The following S100A5 variants were observed in gnomAD, a reference collection of about 807,000 sequenced individuals.
S100A5 encodes the protein S100 calcium binding protein A5.
In S100A5, 5 loss-of-function variants were observed where a neutral mutation model predicts 6.7. The observed-to-expected ratio is 0.75, with a 90% CI of 0.39 to 1.57. S100A5 has a LOEUF of 1.57. S100A5 is among the 40% of genes most tolerant of loss of function. S100A5 has a pLI of 0.03. For synonymous variants in S100A5, 49 were observed against 44.9 expected, an observed-to-expected ratio of 1.09 and a Z score of -0.37; for missense variants, 129 against 110.8, an observed-to-expected ratio of 1.16 and a Z score of -0.74.
chr1:153,543,660 A>G, upstream of S100A5: 1 of 1,145,222 alleles, frequency 8.7e-7, no homozygotes, highest in Non-Finnish European at 1.3e-6. Context: ...CTCAGCATCA[A>G]GCACGTGTCT....
At chr1:153,543,302 G>A (rs1665447526), upstream of S100A5, 3 of 985,178 alleles carry the variant, frequency 3.0e-6, no homozygotes, top group Non-Finnish European at 2.4e-6. Flanking sequence ...TTCAATTCCA[G>A]CCTCGGTTCA....
chr1:153,539,907 G>A (rs1665329594), intron 2 of S100A5, 147 bp downstream of exon 2: 5 of 933,352 alleles, frequency 5.4e-6, no homozygotes, highest in Admixed American at 2.6e-5. Context: ...TTGCTGGCCC[G>A]AAATCCCCAC....
At chr1:153,543,374 C>G, upstream of S100A5, 1 of 808,870 alleles carries the variant, frequency 1.2e-6, no homozygotes, top group Non-Finnish European at 1.5e-6. Context: ...GCTGAGATCC[C>G]ACAGCTGGGA....
At position 153,540,174 on chromosome 1, in the gene S100A5, C is replaced by A; in HGVS notation, c.18G>T (p.Glu6Asp). METPL[E>D]KALTTMVTTF... is the part of the protein sequence containing the mutation. ...TGGTCACCATAGTGGTCAGGGCCTTCTCCAGAGGAGTCTCCATCACAGTGT... is the reference window on the plus strand; with the variant it reads ...TGGTCACCATAGTGGTCAGGGCCTTATCCAGAGGAGTCTCCATCACAGTGT... The change falls in exon 2 of 3, where the codon GAG (glutamate) becomes GAT (aspartate). Residue 6 changes from glutamate to aspartate, a missense_variant. By Grantham distance (45) the Glu-to-Asp change is conservative. Transcript: ENST00000368717. 6.2e-7 allele frequency: 1 copy of A among 1,614,152 alleles called. No homozygotes were observed. The highest frequency in any genetic ancestry group is 8.5e-7 in the Non-Finnish European group (1 of 1,180,026).
intron 1 of S100A5, 65 bp from the exon 2 acceptor site, chr1:153,540,270 C>CT (rs1420053954): frequency 6.5e-7 from 1 of 1,530,510 alleles, no homozygotes; most frequent in East Asian, 2.3e-5. Flanking sequence ...TAGCCTACCT[C>CT]TGAGGCCCCT....
upstream of S100A5, among the ~76,000 whole-genome samples, chr1:153,542,108 G>C (rs1297727222): frequency 1.3e-5 from 2 of 152,182 alleles, no homozygotes; most frequent in East Asian, 1.9e-4. Flanking sequence ...GATTGGGGAG[G>C]GGGGTTCAGG....
chr1:153,542,323 C>T (rs1386242592), upstream of S100A5, among the ~76,000 whole-genome samples: 2 of 152,184 alleles, frequency 1.3e-5, no homozygotes, highest in East Asian at 1.9e-4. Flanking sequence ...CTCCACCCCA[C>T]CCCCAGCTGG....
At chr1:153,543,268 C>T, upstream of S100A5, 8 of 985,382 alleles carry the variant, frequency 8.1e-6, no homozygotes, top group Non-Finnish European at 8.4e-6. Context: ...CCATTCCAGA[C>T]CCCAACCAGG....
intron 2 of S100A5, among the ~76,000 whole-genome samples, chr1:153,539,470 TA>T (rs1557889132): frequency 9.0e-5 from 11 of 122,212 alleles, no homozygotes; most frequent in Non-Finnish European, 1.8e-4. Flanking sequence ...TATATATATA[TA>T]TATATTTATT....
chr1:153,542,741 A>G (rs1665427348), upstream of S100A5, among the ~76,000 whole-genome samples: 1 of 152,128 alleles, frequency 6.6e-6, no homozygotes, highest in African/African-American at 2.4e-5. Context: ...CCTTGAACCT[A>G]CCTAAGGGGA....
intron 2 of S100A5, 100 bp from the exon 3 acceptor site, chr1:153,537,536 GC>G (rs1278769715): frequency 1.7e-5 from 25 of 1,449,602 alleles, no homozygotes; most frequent in Non-Finnish European, 1.9e-5. Flanking sequence ...TTCAGGGTGA[GC>G]CCCAGCTGAG....
At chr1:153,539,424 C>CAAAAAAA (rs149327889) in intron 2 of S100A5, among the ~76,000 whole-genome samples, 5 of 35,136 alleles carry the variant, frequency 1.4e-4, no homozygotes, top group African/African-American at 5.1e-4. Context: ...GAGACTCTCT[C>CAAAAAAA]AAAAAAAAAA....
chr1:153,541,274 G>A (rs770003137), upstream of S100A5: 55 of 840,370 alleles, frequency 6.5e-5, no homozygotes, highest in South Asian at 2.0e-4. Context: ...GCGCATGCCC[G>A]CTTGTGGGGC....
chr1:153,539,441 AAAAAAAAAAATAT>A (rs1665301346), intron 2 of S100A5, among the ~76,000 whole-genome samples: 1 of 114,236 alleles, frequency 8.8e-6, no homozygotes, highest in African/African-American at 4.4e-5. Flanking sequence ...AAAAAAAAAA[AAAAAAAAAAATAT>A]ATATATATAT....
chr1:153,539,186 G>A (rs972138757), intron 2 of S100A5, among the ~76,000 whole-genome samples: 3 of 151,608 alleles, frequency 2.0e-5, no homozygotes, highest in Non-Finnish European at 2.9e-5. Context: ...CCAACACTTT[G>A]GGAGTCCGAG....
chr1:153,539,473 A>ATTTATTTATT lies in S100A5; in HGVS notation c.138+580_138+581insAATAAATAAA, dbSNP rs1553214733. On this transcript the variant is annotated intron_variant, in intron 2 of 2. Transcript: ENST00000368717. ...AAAATATATATATATATATATATAT[A>ATTTATTTATT]TATTTATTTATTTATTTATCCTCGG... is the stretch of plus-strand genomic sequence containing the variant. Among the ~76,000 whole-genome samples, 192 of 115,096 alleles carry ATTTATTTATT rather than the reference A, an allele frequency of 1.7e-3. 2 individuals are homozygous for ATTTATTTATT. Among genetic ancestry groups the ATTTATTTATT allele is most frequent in the African/African-American group, 7.9e-3 (178 of 22,622 alleles). The allele number at this position is 115,096 out of a possible 152,430, so 75.5% of individuals were successfully genotyped here. A position where few individuals can be genotyped will look rare whatever the true frequency, so the allele number is the denominator to read the frequency against.
chr1:153,538,066 CT>C (rs1665244340), intron 2 of S100A5, among the ~76,000 whole-genome samples: 1 of 152,054 alleles, frequency 6.6e-6, no homozygotes, highest in Non-Finnish European at 1.5e-5. Context: ...AAAAGAACAC[CT>C]TGCTGATTAT....
upstream of S100A5, among the ~76,000 whole-genome samples, chr1:153,542,745 A>G (rs1360524708): frequency 6.6e-6 from 1 of 152,094 alleles, no homozygotes; most frequent in Non-Finnish European, 1.5e-5. Context: ...GAACCTACCT[A>G]AGGGGAAGCA....
Position 153,537,800 on chromosome 1 carries a change from C to A in S100A5, c.139-364G>T, listed in dbSNP as rs141361828. Among the ~76,000 whole-genome samples, 435 of 152,278 alleles carry A rather than the reference C, an allele frequency of 2.9e-3. 5 individuals are homozygous for A. Among genetic ancestry groups the A allele is most frequent in the African/African-American group, 0.01 (419 of 41,552 alleles). On this transcript the variant is annotated intron_variant, in intron 2 of 2. Coordinates refer to ENST00000368717, the MANE Select transcript of S100A5 (RefSeq NM_001394232.1). ...TGGTGGCTCACACCTGTAATCCTAG[C>A]ACTTTGGGAGGCCGAGGCGGGTGGA...
Sources: gnomAD v4.1 joint callset for allele counts (sites outside exome capture counted in the v4.1 genomes callset) on GRCh38, gnomAD v4.1.1 for gene constraint, MANE v1.5 for transcripts, NCBI Gene and HGNC (gene_info 2026-07-23, HGNC 2026-07-21) for gene names.